Variants in CCSER1 observed in about 807,000 individuals in gnomAD.
CCSER1 encodes the protein coiled-coil serine rich protein 1.
A neutral mutation model predicts 82.0 loss-of-function variants in CCSER1; 41 were observed. That is an observed-to-expected ratio of 0.50 (90% CI 0.39 to 0.65). The LOEUF is 0.65. Ranked by LOEUF, CCSER1 falls within the 30% of genes least tolerant of loss-of-function variation. The probability of loss-of-function intolerance (pLI) is 0.00; values close to 1 mark genes in which losing one functional copy is unlikely to be tolerated. For missense variants in CCSER1, 1,119 were observed against 1,064.2 expected (o/e 1.05, Z -0.72); for synonymous variants, 414 against 383.9 (o/e 1.08, Z -0.92).
intron 10 of CCSER1, among the ~76,000 whole-genome samples, chr4:91,212,801 A>C (rs1272035373): frequency 1.3e-5 from 2 of 152,104 alleles, no homozygotes; most frequent in Non-Finnish European, 2.9e-5. Context: ...ATATTGAATG[A>C]TGCTGAGGTT....
intron 1 of CCSER1, among the ~76,000 whole-genome samples, chr4:90,249,586 A>G (rs1243918470): frequency 6.6e-6 from 1 of 152,160 alleles, no homozygotes; most frequent in Non-Finnish European, 1.5e-5. Context: ...TAAATAGAAC[A>G]TACAATATGT....
chr4:90,812,891 A>C (rs953654205), intron 7 of CCSER1, among the ~76,000 whole-genome samples: 2 of 152,110 alleles, frequency 1.3e-5, no homozygotes, highest in Non-Finnish European at 2.9e-5. Context: ...CCATGATCCA[A>C]TCACCTCCCA....
chr4:91,005,416 CAG>C (rs376510090), intron 9 of CCSER1, among the ~76,000 whole-genome samples: 5 of 146,172 alleles, frequency 3.4e-5, no homozygotes, highest in South Asian at 2.2e-4. Context: ...CACACACACA[CAG>C]AGACACACAA....
rs145613461 is a variant in CCSER1, at chr4:90,604,807, C to G, written c.1725-23218C>G. ...GTCTAGCTGGAGGATTGTAAATGCACCAGTCAGCACTGTGTGTCCAGCTCA... is the reference window on the plus strand; with the variant it reads ...GTCTAGCTGGAGGATTGTAAATGCAGCAGTCAGCACTGTGTGTCCAGCTCA... On this transcript the variant is annotated intron_variant, in intron 5 of 10. Coordinates refer to ENST00000509176, the MANE Select transcript of CCSER1 (RefSeq NM_001145065.2). 1.5e-3 allele frequency among the ~76,000 whole-genome samples: 234 copies of G among 152,214 alleles called. 1 individual carries two copies. Among genetic ancestry groups the G allele is most frequent in the Non-Finnish European group, 2.3e-3 (159 of 68,020 alleles).
intron 4 of CCSER1, among the ~76,000 whole-genome samples, chr4:90,457,065 C>T (rs1008370061): frequency 2.0e-5 from 3 of 152,286 alleles, no homozygotes; most frequent in South Asian, 2.1e-4. Context: ...TCCCAGGGTC[C>T]GGCCACTGTG....
rs1166459153 is a variant in CCSER1, at chr4:91,601,816, T to C, written c.*2759T>C. On this transcript the variant is annotated 3_prime_UTR_variant, in exon 11 of 11. Transcript: ENST00000509176. The stretch of plus-strand genomic sequence containing the variant: ...TCTCTTCTGAATTTAGAATGTGTTT[T>C]AAAGGAACACTTAGGAAGAGAAATA... 3.9e-5 allele frequency: 6 copies of C among 152,066 alleles called. No homozygotes were observed. The highest frequency in any genetic ancestry group is 3.9e-4 in the Admixed American group (6 of 15,248). The allele number at this position is 152,066 out of a possible 1,614,324, so 9.4% of individuals were successfully genotyped here. A position where few individuals can be genotyped will look rare whatever the true frequency, so the allele number is the denominator to read the frequency against.
chr4:90,837,317 A>T (rs1208970621), intron 8 of CCSER1, among the ~76,000 whole-genome samples: 3 of 151,998 alleles, frequency 2.0e-5, no homozygotes, highest in Non-Finnish European at 4.4e-5. Context: ...AAAGACTGAA[A>T]TTTTTTTTGA....
At chr4:91,075,119 A>G (rs921278299) in intron 9 of CCSER1, among the ~76,000 whole-genome samples, 1 of 151,878 alleles carries the variant, frequency 6.6e-6, no homozygotes, top group Non-Finnish European at 1.5e-5. Flanking sequence ...ATGCCAGCGC[A>G]GTTACCAGGG....
chr4:90,509,453 A>G (rs1771173626), intron 5 of CCSER1, among the ~76,000 whole-genome samples: 1 of 152,174 alleles, frequency 6.6e-6, no homozygotes, highest in Admixed American at 6.5e-5. Flanking sequence ...TAAGAATAAG[A>G]CAGTTATACT....
chr4:90,249,483 A>G (rs1722006002), intron 1 of CCSER1, among the ~76,000 whole-genome samples: 1 of 152,122 alleles, frequency 6.6e-6, no homozygotes, highest in African/African-American at 2.4e-5. Flanking sequence ...CTTATTAGCA[A>G]TCACCCACAA....
At chr4:91,078,757 C>A (rs1349305555) in intron 9 of CCSER1, among the ~76,000 whole-genome samples, 2 of 152,154 alleles carry the variant, frequency 1.3e-5, no homozygotes, top group Non-Finnish European at 2.9e-5. Context: ...GAGCTGAAAA[C>A]CATGGCACGA....
chr4:90,927,516 G>A (rs1729214904), intron 9 of CCSER1, among the ~76,000 whole-genome samples: 2 of 151,950 alleles, frequency 1.3e-5, no homozygotes, highest in African/African-American at 2.4e-5. Flanking sequence ...TCTCATTCAT[G>A]TATGAATAAA....
chr4:90,218,411 C>T (rs922000026), intron 1 of CCSER1, among the ~76,000 whole-genome samples: 4 of 152,256 alleles, frequency 2.6e-5, no homozygotes, highest in African/African-American at 9.6e-5. Flanking sequence ...AACCCAGCAT[C>T]ACACGGTGTT....
At chr4:91,330,610 A>C (rs548889689) in intron 10 of CCSER1, among the ~76,000 whole-genome samples, 90 of 152,316 alleles carry the variant, frequency 5.9e-4, no homozygotes, top group African/African-American at 1.7e-3. Context: ...TGGAAATAGA[A>C]ATAAAAACTC....
At chr4:90,140,098 GTCA>G (rs1724464545) in intron 1 of CCSER1, among the ~76,000 whole-genome samples, 1 of 152,026 alleles carries the variant, frequency 6.6e-6, no homozygotes, top group Non-Finnish European at 1.5e-5. Context: ...AAATAATATG[GTCA>G]TCATTAATTG....
chr4:90,634,580 A>G (rs968717724), intron 6 of CCSER1, among the ~76,000 whole-genome samples: 1 of 151,802 alleles, frequency 6.6e-6, no homozygotes, highest in Non-Finnish European at 1.5e-5. Flanking sequence ...AAGGGCATTA[A>G]TAAGGATTTT....
At chr4:90,365,080 A>G (rs1315557681) in intron 3 of CCSER1, among the ~76,000 whole-genome samples, 1 of 151,872 alleles carries the variant, frequency 6.6e-6, no homozygotes, top group Non-Finnish European at 1.5e-5. Flanking sequence ...GCAATCAGTG[A>G]AATTAGTAGT....
intron 10 of CCSER1, among the ~76,000 whole-genome samples, chr4:91,149,260 G>T (rs975549152): frequency 2.0e-5 from 3 of 152,176 alleles, no homozygotes; most frequent in Non-Finnish European, 2.9e-5. Context: ...TCATGTGTCT[G>T]TTGGCTGCAT....
chr4:91,114,171 G>C (rs967810144), intron 10 of CCSER1, among the ~76,000 whole-genome samples: 1 of 152,094 alleles, frequency 6.6e-6, no homozygotes, highest in African/African-American at 2.4e-5. Flanking sequence ...TATTAAGATA[G>C]AGTTGTTAAT....
Sources: allele counts gnomAD v4.1 joint callset (sites outside exome capture counted in the v4.1 genomes callset), GRCh38; gene constraint gnomAD v4.1.1; transcripts MANE v1.5; gene names NCBI Gene and HGNC (gene_info 2026-07-23, HGNC 2026-07-21).